The following BAALC variants were observed in gnomAD, a reference collection of about 807,000 sequenced individuals.
The protein encoded by BAALC is brain and acute leukemia cytoplasmic protein.
In BAALC, 9 loss-of-function variants were observed where a neutral mutation model predicts 15.5. That is an observed-to-expected ratio of 0.58 (90% CI 0.35 to 1.02). BAALC has a LOEUF of 1.02. BAALC is among the 50% of genes least tolerant of loss of function. The probability of loss-of-function intolerance (pLI) is 0.02; values close to 1 mark genes in which losing one functional copy is unlikely to be tolerated. For synonymous variants in BAALC, 80 were observed against 74.6 expected, an observed-to-expected ratio of 1.07 and a Z score of -0.37; for missense variants, 201 against 192.4, an observed-to-expected ratio of 1.04 and a Z score of -0.27.
Position 103,183,476 on chromosome 8 carries a change from G to A in BAALC, c.161-29443G>A, listed in dbSNP as rs1337798859. The A allele has an allele frequency of 4.3e-6, 3 of 702,918 alleles. No individual in the cohort carries two copies. The South Asian group carries it at 4.4e-5, about 10-fold the overall frequency. The allele number at this position is 702,918 out of a possible 1,614,324, so 43.5% of individuals were successfully genotyped here. ...ATGGCCACACACCATGTACAGGTAA[G>A]AGAGGGTATGGGGGGACCAGATCTG... On this transcript the variant is annotated intron_variant, in intron 1 of 2. Transcript: ENST00000309982.
intron 1 of BAALC, among the ~76,000 whole-genome samples, chr8:103,156,145 G>A (rs1024499857): frequency 6.6e-6 from 1 of 152,120 alleles, no homozygotes; most frequent in Non-Finnish European, 1.5e-5. Context: ...AATCCCCAAG[G>A]CAGTGTGGAA....
intron 1 of BAALC, among the ~76,000 whole-genome samples, chr8:103,174,372 G>C (rs761962565): frequency 6.6e-6 from 1 of 152,126 alleles, no homozygotes; most frequent in Non-Finnish European, 1.5e-5. Flanking sequence ...GGCACAGCCA[G>C]GGGCCTGATG....
Position 103,212,910 on chromosome 8 carries a change from C to T in BAALC, c.161-9C>T. 6.2e-7 allele frequency: 1 copy of T among 1,608,746 alleles called. No homozygotes were observed. The highest frequency in any genetic ancestry group is 8.5e-7 in the Non-Finnish European group (1 of 1,176,446). On this transcript the variant is annotated splice_polypyrimidine_tract_variant and intron_variant, in intron 1 of 2. Coordinates refer to ENST00000309982, the MANE Select transcript of BAALC (RefSeq NM_024812.3). ...GCTTCTGGTTCCATCCTCTGCTTAC[C>T]TCCCCCAGGCATGCTGGAAGATGGA...
chr8:103,205,621 T>G (rs2130044853), intron 1 of BAALC, among the ~76,000 whole-genome samples: 1 of 152,292 alleles, frequency 6.6e-6, no homozygotes, highest in South Asian at 2.1e-4. Flanking sequence ...TTAGAATCCC[T>G]GGGGGTGGGA....
At chr8:103,196,110 T>C (rs1389453898) in intron 1 of BAALC, among the ~76,000 whole-genome samples, 1 of 152,112 alleles carries the variant, frequency 6.6e-6, no homozygotes, top group East Asian at 1.9e-4. Context: ...CCTATAAGGC[T>C]GGAGCATAGA....
At chr8:103,179,054 T>C (rs1811670354) in intron 1 of BAALC, among the ~76,000 whole-genome samples, 1 of 152,058 alleles carries the variant, frequency 6.6e-6, no homozygotes, top group African/African-American at 2.4e-5. Context: ...CCCAAACCCA[T>C]AGTCTTTGGG....
At chr8:103,213,322 AG>A in intron 2 of BAALC, 1 of 445,042 alleles carries the variant, frequency 2.2e-6, no homozygotes. Flanking sequence ...GCTTTATTCA[AG>A]GATCTTGTTT....
At chr8:103,185,170 T>G (rs1811806193) in intron 1 of BAALC, among the ~76,000 whole-genome samples, 1 of 152,106 alleles carries the variant, frequency 6.6e-6, no homozygotes, top group South Asian at 2.1e-4. Flanking sequence ...ATTTGAAGCC[T>G]CAGCCAGGCC....
intron 1 of BAALC, among the ~76,000 whole-genome samples, chr8:103,141,810 A>T (rs1029481637): frequency 6.6e-6 from 1 of 152,256 alleles, no homozygotes; most frequent in Admixed American, 6.5e-5. Context: ...GTCATTCCTC[A>T]TCCAGCAGAA....
At chr8:103,144,138 G>C (rs1810836408) in intron 1 of BAALC, among the ~76,000 whole-genome samples, 1 of 152,208 alleles carries the variant, frequency 6.6e-6, no homozygotes, top group South Asian at 2.1e-4. Flanking sequence ...GCCCAATCCA[G>C]ATTGAGGGTG....
intron 1 of BAALC, among the ~76,000 whole-genome samples, chr8:103,174,301 G>A (rs975653719): frequency 6.6e-6 from 1 of 150,514 alleles, no homozygotes; most frequent in East Asian, 1.9e-4. Flanking sequence ...TGGGAATAAA[G>A]GACAGTCATT....
intron 1 of BAALC, among the ~76,000 whole-genome samples, chr8:103,171,329 GAGAA>G (rs1273213498): frequency 3.4e-5 from 5 of 145,648 alleles, no homozygotes; most frequent in South Asian, 2.2e-4. Flanking sequence ...GAGAGAAAGA[GAGAA>G]AGAAGGAAGG....
intron 1 of BAALC, among the ~76,000 whole-genome samples, chr8:103,170,789 A>T (rs1811465119): frequency 6.6e-6 from 1 of 152,204 alleles, no homozygotes; most frequent in South Asian, 2.1e-4. Flanking sequence ...AAGTTACGTG[A>T]TTTAGTGTTC....
At chr8:103,160,905 T>C (rs978183149) in intron 1 of BAALC, among the ~76,000 whole-genome samples, 3 of 152,166 alleles carry the variant, frequency 2.0e-5, no homozygotes, top group African/African-American at 7.2e-5. Flanking sequence ...AGGGTGGGTC[T>C]GCCTTCCCCA....
chr8:103,165,865 A>G (rs1334714969), intron 1 of BAALC: 1 of 152,124 alleles, frequency 6.6e-6, no homozygotes, highest in African/African-American at 2.4e-5. Context: ...ACACCCCCAG[A>G]GTGTTGAGGT....
At chr8:103,213,351 C>T (rs2130067875) in intron 2 of BAALC, 1 of 365,982 alleles carries the variant, frequency 2.7e-6, no homozygotes, top group Non-Finnish European at 5.0e-6. Context: ...CCACTGTCAC[C>T]ATGTTGATGG....
chr8:103,157,862 AT>A (rs1442128439), intron 1 of BAALC, among the ~76,000 whole-genome samples: 1 of 152,308 alleles, frequency 6.6e-6, no homozygotes, highest in South Asian at 2.1e-4. Flanking sequence ...TTAAATTGTC[AT>A]TTTTTATAGG....
chr8:103,203,996 A>G (rs1423631853), intron 1 of BAALC, among the ~76,000 whole-genome samples: 1 of 152,190 alleles, frequency 6.6e-6, no homozygotes, highest in Non-Finnish European at 1.5e-5. Flanking sequence ...CCTTTTACAG[A>G]ATTGCAGACT....
intron 1 of BAALC, among the ~76,000 whole-genome samples, chr8:103,193,507 G>C (rs1403797316): frequency 6.6e-6 from 1 of 152,194 alleles, no homozygotes; most frequent in Non-Finnish European, 1.5e-5. Context: ...GTGCCTGGGA[G>C]TGGGGAACTG....
Sources: allele counts gnomAD v4.1 joint callset (sites outside exome capture counted in the v4.1 genomes callset), GRCh38; gene constraint gnomAD v4.1.1; transcripts MANE v1.5; gene names NCBI Gene and HGNC (gene_info 2026-07-23, HGNC 2026-07-21).